ARHGAP42: variants seen among roughly 807,000 people sequenced by gnomAD.
ARHGAP42 encodes the protein Rho GTPase activating protein 42.
Under a neutral mutation model 125.0 loss-of-function variants are expected in ARHGAP42, and 63 were observed. The ratio of observed to expected loss-of-function variants is 0.50; its 90% CI spans 0.41 to 0.62. The LOEUF (loss-of-function observed/expected upper bound fraction) is 0.62. Among genes scored for constraint, ARHGAP42 ranks in the 20% least tolerant of loss-of-function variants. The probability of loss-of-function intolerance (pLI) is 0.00; values close to 1 mark genes in which losing one functional copy is unlikely to be tolerated. For missense variants in ARHGAP42, 766 were observed against 1,024.2 expected, an observed-to-expected ratio of 0.75 and a Z score of 3.44; for synonymous variants, 339 against 351.0, an observed-to-expected ratio of 0.97 and a Z score of 0.38.
At chr11:100,816,718 A>C (rs537150677) in intron 3 of ARHGAP42, 6 of 152,274 alleles carry the variant, frequency 3.9e-5, no homozygotes, top group African/African-American at 1.4e-4. Flanking sequence ...TTTTCAGGCA[A>C]TGTTTTAAGA....
intron 3 of ARHGAP42, among the ~76,000 whole-genome samples, chr11:100,844,103 A>G (rs985864454): frequency 3.3e-5 from 5 of 152,204 alleles, no homozygotes; most frequent in Non-Finnish European, 5.9e-5. Flanking sequence ...AAATTGGCAC[A>G]TAGACCAATG....
At chr11:100,755,101 G>T (rs1862541782) in intron 1 of ARHGAP42, among the ~76,000 whole-genome samples, 1 of 152,212 alleles carries the variant, frequency 6.6e-6, no homozygotes, top group Admixed American at 6.5e-5. Context: ...TCTAATGGCA[G>T]GGGGTGTGGG....
intron 4 of ARHGAP42, among the ~76,000 whole-genome samples, chr11:100,865,314 C>A (rs1277929695): frequency 6.6e-6 from 1 of 152,130 alleles, no homozygotes; most frequent in African/African-American, 2.4e-5. Flanking sequence ...TCTTAGATTT[C>A]TGTCATGTGA....
intron 3 of ARHGAP42, among the ~76,000 whole-genome samples, chr11:100,797,904 C>A (rs568961902): frequency 6.6e-6 from 1 of 152,322 alleles, no homozygotes; most frequent in South Asian, 2.1e-4. Context: ...GTGATTCCTG[C>A]TCACAAAGAG....
At chr11:100,780,088 A>G (rs1179863159) in intron 2 of ARHGAP42, among the ~76,000 whole-genome samples, 1 of 152,038 alleles carries the variant, frequency 6.6e-6, no homozygotes, top group Non-Finnish European at 1.5e-5. Context: ...ATTTTAAACC[A>G]GAGTTAAAAA....
In ARHGAP42 at chr11:100,989,230, GTTCA is replaced by G. The variant is rs1188776498; in HGVS notation, c.*432_*435del. The G allele has an allele frequency of 2.0e-5, 8 of 396,666 alleles. No homozygotes were observed. Among genetic ancestry groups the G allele is most frequent in the Admixed American group, 4.4e-5 (1 of 22,640 alleles). 24.6% of individuals were successfully genotyped at this position (396,666 alleles called of 1,614,324 possible). On this transcript the variant is annotated 3_prime_UTR_variant, in exon 24 of 24. Transcript: ENST00000298815. ...GTTACTTAAAAATGTAATTTAAATTGTTCATTTATTGTTTTTTTTTTCTTAGAAA... is the reference window on the plus strand; with the variant it reads ...GTTACTTAAAAATGTAATTTAAATTGTTTATTGTTTTTTTTTTCTTAGAAA...
At position 100,962,429 on chromosome 11, in the gene ARHGAP42, T is replaced by C; in HGVS notation, c.1406T>C (p.Met469Thr). ...TGTAGGTGCCTTGCAGAACCACTGATGACTTACAAGTTGCACAAAGATTTT... is the reference window on the plus strand; with the variant it reads ...TGTAGGTGCCTTGCAGAACCACTGACGACTTACAAGTTGCACAAAGATTTT... ...NYLRCLAEPL[M>T]TYKLHKDFII... is the part of the protein sequence containing the mutation. The change falls in exon 16 of 24, where the codon ATG becomes ACG. Residue 469 changes from methionine (M) to threonine (T), a missense_variant. Met to Thr is a moderately conservative substitution (Grantham distance 81). This residue lies in a region of ARHGAP42 where 455 missense variants were observed against 636.5 expected (regional missense o/e 0.71). Coordinates refer to ENST00000298815, the MANE Select transcript of ARHGAP42 (RefSeq NM_152432.4). 2 of 1,551,250 alleles carry C rather than the reference T, an allele frequency of 1.3e-6. No individual in the cohort carries two copies. The highest frequency in any genetic ancestry group is 1.7e-6 in the Non-Finnish European group (2 of 1,146,666).
At chr11:100,743,094 G>A (rs1591143184) in intron 1 of ARHGAP42, among the ~76,000 whole-genome samples, 1 of 152,088 alleles carries the variant, frequency 6.6e-6, no homozygotes, top group African/African-American at 2.4e-5. Context: ...ACTTGGAGGT[G>A]CTTTCCAATT....
At chr11:100,936,473 AAGTG>A in intron 8 of ARHGAP42, 141 bp downstream of exon 8, 1 of 1,172,812 alleles carries the variant, frequency 8.5e-7, no homozygotes, top group Non-Finnish European at 1.2e-6. Flanking sequence ...ACCACAACCA[AAGTG>A]AGGACGTTTT....
At chr11:100,863,398 A>G (rs1865494672) in intron 4 of ARHGAP42, among the ~76,000 whole-genome samples, 1 of 152,200 alleles carries the variant, frequency 6.6e-6, no homozygotes. Flanking sequence ...GGCAAAGCAG[A>G]GTGGAAAATG....
intron 3 of ARHGAP42, among the ~76,000 whole-genome samples, chr11:100,831,773 G>T (rs575103404): frequency 6.6e-6 from 1 of 152,232 alleles, no homozygotes; most frequent in South Asian, 2.1e-4. Flanking sequence ...CACTATAAAT[G>T]GTTTAAATAT....
chr11:100,688,549 CA>C (rs1486526172), intron 1 of ARHGAP42, among the ~76,000 whole-genome samples: 1 of 152,076 alleles, frequency 6.6e-6, no homozygotes, highest in Non-Finnish European at 1.5e-5. Context: ...CCTCCTTTCC[CA>C]TACACCTCTT....
chr11:100,699,461 AAAC>A (rs1354300818), intron 1 of ARHGAP42, among the ~76,000 whole-genome samples: 2 of 134,512 alleles, frequency 1.5e-5, no homozygotes, highest in Non-Finnish European at 3.1e-5. Flanking sequence ...TCTTAGCTTA[AAAC>A]AACAAATTTA....
chr11:100,712,016 T>C (rs1372010929), intron 1 of ARHGAP42, among the ~76,000 whole-genome samples: 3 of 152,242 alleles, frequency 2.0e-5, no homozygotes, highest in Non-Finnish European at 4.4e-5. Flanking sequence ...TCAAGAACAT[T>C]AAAGGGTTTG....
chr11:100,875,507 A>C (rs1865799535), intron 4 of ARHGAP42, among the ~76,000 whole-genome samples: 1 of 152,186 alleles, frequency 6.6e-6, no homozygotes, highest in Non-Finnish European at 1.5e-5. Flanking sequence ...TTCTGAGACA[A>C]GGATGACCAT....
At chr11:100,733,573 C>G (rs1050092402) in intron 1 of ARHGAP42, among the ~76,000 whole-genome samples, 1 of 152,094 alleles carries the variant, frequency 6.6e-6, no homozygotes. Flanking sequence ...CCTGTAATCC[C>G]AGCACTCTGG....
intron 1 of ARHGAP42, among the ~76,000 whole-genome samples, chr11:100,756,508 A>G (rs1309074999): frequency 1.3e-5 from 2 of 150,804 alleles, no homozygotes; most frequent in Non-Finnish European, 2.9e-5. Context: ...GATGATAAGA[A>G]GTTTTGAAGT....
chr11:100,830,859 G>A (rs1021517490), intron 3 of ARHGAP42, among the ~76,000 whole-genome samples: 13 of 152,174 alleles, frequency 8.5e-5, no homozygotes, highest in Admixed American at 5.9e-4. Context: ...TGGGCACCAC[G>A]GTTACTATTT....
chr11:100,824,324 T>C (rs1864464680), intron 3 of ARHGAP42, among the ~76,000 whole-genome samples: 2 of 152,174 alleles, frequency 1.3e-5, no homozygotes, highest in Non-Finnish European at 2.9e-5. Flanking sequence ...TTAATGATGC[T>C]TGCTTTAAGG....
Sources: allele counts gnomAD v4.1 joint callset (sites outside exome capture counted in the v4.1 genomes callset), GRCh38; gene constraint gnomAD v4.1.1; regional missense constraint gnomAD v4.1.1; transcripts MANE v1.5; gene names NCBI Gene and HGNC (gene_info 2026-07-23, HGNC 2026-07-21).